Variants in NXNL1 observed in about 807,000 individuals in gnomAD.
The protein encoded by NXNL1 is nucleoredoxin like 1, also known as nucleoredoxin-like protein 1.
In NXNL1, 6 loss-of-function variants were observed where a neutral mutation model predicts 7.2. That is an observed-to-expected ratio of 0.83 (90% confidence interval 0.46 to 1.64). The LOEUF (loss-of-function observed/expected upper bound fraction) is 1.64, where lower values mean the gene tolerates loss of function less well. Ranked by LOEUF, NXNL1 falls within the 40% of genes most tolerant of loss-of-function variation. The probability of loss-of-function intolerance (pLI) is 0.01; values close to 1 mark genes in which losing one functional copy is unlikely to be tolerated. For missense variants in NXNL1, 308 were observed against 285.1 expected (o/e 1.08, Z -0.58); for synonymous variants, 133 against 127.2 (o/e 1.05, Z -0.31).
At chr19:17,458,909 T>G (rs1490200437) in intron 1 of NXNL1, among the ~76,000 whole-genome samples, 1 of 152,070 alleles carries the variant, frequency 6.6e-6, no homozygotes, top group African/African-American at 2.4e-5. Context: ...AAGCCACCTT[T>G]CATAATTTTT....
chr19:17,460,676 A>C lies in NXNL1; in HGVS notation c.194T>G (p.Phe65Cys). ...CAGCTGAGCCGCCCGCAGTACATAG[A>C]ACTCATCTGTGAGCCGCACGAAGAA... is the stretch of plus-strand genomic sequence containing the variant. ...KDFFVRLTDE[F>C]YVLRAAQLAL... The change falls in exon 1 of 2, where the codon TTC (phenylalanine) becomes TGC (cysteine). Residue 65 changes from phenylalanine (F) to cysteine (C), a missense_variant. Coordinates refer to ENST00000301944, the MANE Select transcript of NXNL1 (RefSeq NM_138454.2). 1 of 1,613,814 alleles carries C rather than the reference A, an allele frequency of 6.2e-7. No homozygotes were observed.
Position 17,460,817 on chromosome 19 carries a change from T to C in NXNL1, c.53A>G (p.Asp18Gly). 6.2e-7 allele frequency: 1 copy of C among 1,613,840 alleles called. No homozygotes were observed. The highest frequency in any genetic ancestry group is 8.5e-7 in the Non-Finnish European group (1 of 1,180,018). ...GACCTCAGCCTCCGTATCCAGCTCG[T>C]CCTGGTCGCTATTGTTGCGGATCAG... ...RILIRNNSDQ[D>G]ELDTEAEVSR... Residue 18 changes from aspartate to glycine, a missense_variant, in exon 1 of 2, where the codon GAC becomes GGC. Transcript: ENST00000301944.
chr19:17,458,208 TTTTC>T (rs1020646464), intron 1 of NXNL1, among the ~76,000 whole-genome samples: 2 of 145,226 alleles, frequency 1.4e-5, no homozygotes, highest in East Asian at 2.0e-4. Context: ...CTTTCTTTCT[TTTTC>T]TTTCTTTCTT....
Position 17,460,847 on chromosome 19 carries a change from C to G in NXNL1, c.23G>C (p.Arg8Pro). The change falls in exon 1 of 2, where the codon CGC (arginine) becomes CCC (proline). Residue 8 changes from arginine to proline, a missense_variant. Transcript: ENST00000301944. Reference protein sequence around the residue: MASLFSGRILIRNNSDQD... With the variant: MASLFSGPILIRNNSDQD... The stretch of plus-strand genomic sequence containing the variant: ...GTCGCTATTGTTGCGGATCAGGATG[C>G]GGCCAGAGAACAGGGAGGCCATGGT... 6.2e-7 allele frequency: 1 copy of G among 1,613,512 alleles called. No homozygotes were observed. Among genetic ancestry groups the G allele is most frequent in the Non-Finnish European group, 8.5e-7 (1 of 1,180,020 alleles).
chr19:17,455,668 G>GGGGGGCCCCCCC lies in NXNL1; in HGVS notation c.617_618insGGGGGGGCCCCC (p.Gly207_Ala208insGlyProProGly). 1.5e-5 allele frequency: 5 copies of GGGGGGCCCCCCC among 330,278 alleles called. No homozygotes were observed. Among genetic ancestry groups the GGGGGGCCCCCCC allele is most frequent in the Non-Finnish European group, 1.9e-5 (4 of 214,738 alleles). The allele number at this position is 330,278 out of a possible 1,614,324, so 20.5% of individuals were successfully genotyped here. On this transcript the variant is annotated inframe_insertion, in exon 2 of 2. Transcript: ENST00000301944. ...CGGGTCAGAACAGCCCCCCGGCCCC[G>GGGGGGCCCCCCC]CCCTCCTCCCCACCCCCTCCCCCGG...
At chr19:17,459,375 C>T (rs1316401997) in intron 1 of NXNL1, among the ~76,000 whole-genome samples, 2 of 152,080 alleles carry the variant, frequency 1.3e-5, no homozygotes, top group African/African-American at 4.8e-5. Context: ...TCTTTCTTCT[C>T]ATTGGAGTCT....
rs773168652 is a variant in NXNL1 at position 17,455,894 on chromosome 19, T to TC, written c.391dup (p.Asp131GlyfsTer86). Reference sequence around the variant, plus strand: ...GTCGGCGCCGTCGCGAGTGAGCACGTCCCCGTCCGGCTTGAGCACCACGAC... The same window carrying TC: ...GTCGGCGCCGTCGCGAGTGAGCACGTCCCCCGTCCGGCTTGAGCACCACGAC... On this transcript the variant is annotated frameshift_variant, in exon 2 of 2. Coordinates refer to ENST00000301944, the MANE Select transcript of NXNL1 (RefSeq NM_138454.2). LOFTEE classifies it low-confidence loss of function (END_TRUNC). The TC allele has an allele frequency of 2.5e-6, 4 of 1,593,862 alleles. No individual in the cohort carries two copies. The Admixed American group carries it at 6.7e-5, about 27-fold the overall frequency.
chr19:17,455,679 C>A lies in NXNL1; in HGVS notation c.607G>T (p.Gly203Trp). The change falls in exon 2 of 2, where the codon GGG (glycine) becomes TGG (tryptophan). Residue 203 changes from glycine to tryptophan, a missense_variant. Transcript: ENST00000301944. ...AGCCCCCCGGCCCCGCCCTCCTCCC[C>A]ACCCCCTCCCCCGGGGTCGCGCCCG... ...RGGRDPGGGG[G>W]EEGGAGGLF 192 of 1,442,640 alleles carry A rather than the reference C, an allele frequency of 1.3e-4. No individual in the cohort carries two copies. Among genetic ancestry groups the A allele is most frequent in the Non-Finnish European group, 1.6e-4 (175 of 1,068,522 alleles). 89.4% of individuals were successfully genotyped at this position (1,442,640 alleles called of 1,614,324 possible).
intron 1 of NXNL1, among the ~76,000 whole-genome samples, chr19:17,459,904 G>A (rs891293713): frequency 7.2e-5 from 11 of 152,134 alleles, no homozygotes; most frequent in East Asian, 1.9e-4. Flanking sequence ...CCACTTTTTC[G>A]GGGAAGCATC....
chr19:17,455,999 C>T, intron 1 of NXNL1, 40 bp from the exon 2 acceptor site: 1 of 1,596,146 alleles, frequency 6.3e-7, no homozygotes, highest in Non-Finnish European at 8.5e-7. Context: ...ATCCACATCC[C>T]TGATGCTGAA....
chr19:17,460,671 C>A lies in NXNL1; in HGVS notation c.199G>T (p.Val67Leu). Residue 67 changes from valine to leucine, a missense_variant, in exon 1 of 2, where the codon GTA becomes TTA. By Grantham distance (32) the Val-to-Leu change is conservative. Transcript: ENST00000301944. ...AGGGCCAGCTGAGCCGCCCGCAGTA[C>A]ATAGAACTCATCTGTGAGCCGCACG... is the stretch of plus-strand genomic sequence containing the variant. Reference protein sequence around the residue: ...FFVRLTDEFYVLRAAQLALVY... With the variant: ...FFVRLTDEFYLLRAAQLALVY... The A allele has an allele frequency of 6.2e-7, 1 of 1,613,736 alleles. No individual in the cohort carries two copies. Among genetic ancestry groups the A allele is most frequent in the Non-Finnish European group, 8.5e-7 (1 of 1,180,040 alleles).
At position 17,460,696 on chromosome 19, in the gene NXNL1, G is replaced by A. The variant is rs137874549; in HGVS notation, c.174C>T (p.Phe58=). 5.6e-5 allele frequency: 91 copies of A among 1,613,586 alleles called. 1 individual carries two copies. The African/African-American group carries it at 9.3e-4, about 17-fold the overall frequency. Residue 58 remains phenylalanine, a synonymous_variant, in exon 1 of 2, where the codon TTC becomes TTT. Transcript: ENST00000301944. The part of the protein sequence containing the change: ...QAFVPILKDF[F]VRLTDEFYVL... ...CATAGAACTCATCTGTGAGCCGCAC[G>A]AAGAAGTCCTTGAGGATGGGCACGA...
At chr19:17,459,848 CTA>C (rs1306408444) in intron 1 of NXNL1, among the ~76,000 whole-genome samples, 2 of 152,146 alleles carry the variant, frequency 1.3e-5, no homozygotes, top group African/African-American at 4.8e-5. Context: ...GTGGCTAGGA[CTA>C]CAGGCATGAG....
At chr19:17,460,306 C>T (rs1339240584) in intron 1 of NXNL1, among the ~76,000 whole-genome samples, 10 of 152,136 alleles carry the variant, frequency 6.6e-5, no homozygotes, top group African/African-American at 9.7e-5. Flanking sequence ...CCACCATGCC[C>T]GGCCTTGCTA....
In NXNL1 at chr19:17,455,674, C is replaced by CACA; in HGVS notation, c.611_612insTGT (p.Glu204delinsAspVal). 2 of 1,151,438 alleles carry CACA rather than the reference C, an allele frequency of 1.7e-6. No individual in the cohort carries two copies. Among genetic ancestry groups the CACA allele is most frequent in the Non-Finnish European group, 2.5e-6 (2 of 815,618 alleles). 71.3% of individuals were successfully genotyped at this position (1,151,438 alleles called of 1,614,324 possible). A position where few individuals can be genotyped will look rare whatever the true frequency, so the allele number is the denominator to read the frequency against. Reference sequence around the variant, plus strand: ...AGAACAGCCCCCCGGCCCCGCCCTCCTCCCCACCCCCTCCCCCGGGGTCGC... The same window carrying CACA: ...AGAACAGCCCCCCGGCCCCGCCCTCCACATCCCCACCCCCTCCCCCGGGGTCGC... On this transcript the variant is annotated protein_altering_variant, in exon 2 of 2. Coordinates refer to ENST00000301944, the MANE Select transcript of NXNL1 (RefSeq NM_138454.2).
Position 17,460,630 on chromosome 19 carries a change from C to T in NXNL1, c.240G>A (p.Gln80=), listed in dbSNP as rs1176034683. The change falls in exon 1 of 2, where the codon CAG becomes CAA. Residue 80 remains glutamine (Q), a synonymous_variant. Coordinates refer to ENST00000301944, the MANE Select transcript of NXNL1 (RefSeq NM_138454.2). The part of the protein sequence containing the change: ...AAQLALVYVS[Q]DSTEEQQDLF... ...GGTCCTGCTGCTCCTCCGTGGAGTC[C>T]TGGGACACGTACACCAGGGCCAGCT... The T allele has an allele frequency of 3.1e-6, 5 of 1,612,250 alleles. No homozygotes were observed. The African/African-American group carries it at 6.7e-5, about 22-fold the overall frequency.
rs1459911668 is a variant in NXNL1, at chr19:17,455,957, T to A, written c.329A>T (p.Asp110Val). The A allele has an allele frequency of 1.1e-5, 17 of 1,597,252 alleles. No individual in the cohort carries two copies. Among genetic ancestry groups the A allele is most frequent in the Non-Finnish European group, 1.4e-5 (17 of 1,179,402 alleles). ...CTCCACTGAGAACTGGCGCCCGAGG[T>A]CCCTGCGGAGCGGGCAGGTCAGTCT... ...FLPFEDDLRRDLGRQFSVERL... is the reference protein window; with the variant it reads ...FLPFEDDLRRVLGRQFSVERL... Residue 110 changes from aspartate (D) to valine (V), a missense_variant and splice_region_variant, in exon 2 of 2, where the codon GAC becomes GTC. By Grantham distance (152) the Asp-to-Val change is radical. Coordinates refer to ENST00000301944, the MANE Select transcript of NXNL1 (RefSeq NM_138454.2).
rs754826144 is a variant in NXNL1 at position 17,455,920 on chromosome 19, C to A, written c.366G>T (p.Ala122=). 5 of 1,595,944 alleles carry A rather than the reference C, an allele frequency of 3.1e-6. No homozygotes were observed. Among genetic ancestry groups the A allele is most frequent in the Non-Finnish European group, 4.2e-6 (5 of 1,178,518 alleles). The part of the protein sequence containing the change: ...GRQFSVERLP[A]VVVLKPDGDV... ...CCCCGTCCGGCTTGAGCACCACGAC[C>A]GCCGGCAGGCGCTCCACTGAGAACT... Residue 122 remains alanine, a synonymous_variant, in exon 2 of 2, where the codon GCG becomes GCT. Transcript: ENST00000301944.
At chr19:17,456,465 C>T (rs934484327) in intron 1 of NXNL1, among the ~76,000 whole-genome samples, 2 of 151,984 alleles carry the variant, frequency 1.3e-5, no homozygotes, top group Non-Finnish European at 2.9e-5. Context: ...ATGATTGCAC[C>T]ACTACACTCC....
Sources: allele counts gnomAD v4.1 joint callset (sites outside exome capture counted in the v4.1 genomes callset), GRCh38; gene constraint gnomAD v4.1.1; transcripts MANE v1.5; gene names NCBI Gene and HGNC (gene_info 2026-07-23, HGNC 2026-07-21).